Variants in FHIT observed in about 807,000 individuals in gnomAD.
The protein encoded by FHIT is fragile histidine triad diadenosine triphosphatase, also known as bis(5'-adenosyl)-triphosphatase.
In FHIT, 19 loss-of-function variants were observed where a neutral mutation model predicts 17.9. That is an observed-to-expected ratio of 1.06 (90% CI 0.74 to 1.56). The LOEUF (loss-of-function observed/expected upper bound fraction) is 1.56. Ranked by LOEUF, FHIT falls within the 40% of genes most tolerant of loss-of-function variation. The probability of loss-of-function intolerance (pLI) is 0.00; values close to 1 mark genes in which losing one functional copy is unlikely to be tolerated. For missense variants in FHIT, 248 were observed against 189.2 expected, an observed-to-expected ratio of 1.31 and a Z score of -1.82; for synonymous variants, 81 against 69.7, an observed-to-expected ratio of 1.16 and a Z score of -0.81.
chr3:60,470,904 C>G (rs1401814242), intron 5 of FHIT, among the ~76,000 whole-genome samples: 1 of 152,136 alleles, frequency 6.6e-6, no homozygotes, highest in Non-Finnish European at 1.5e-5. Flanking sequence ...TATTCAGGGC[C>G]CAGTGCTCTT....
chr3:60,042,273 A>G (rs1701472633), intron 5 of FHIT, among the ~76,000 whole-genome samples: 1 of 152,230 alleles, frequency 6.6e-6, no homozygotes, highest in African/African-American at 2.4e-5. Flanking sequence ...GGAAAATGTA[A>G]CCTGAAGTAT....
chr3:60,075,733 T>C (rs1702977662), intron 5 of FHIT, among the ~76,000 whole-genome samples: 1 of 152,066 alleles, frequency 6.6e-6, no homozygotes, highest in East Asian at 1.9e-4. Flanking sequence ...TTCTCTATAA[T>C]ACATGGCCAT....
At chr3:60,245,461 T>C (rs551884047) in intron 5 of FHIT, among the ~76,000 whole-genome samples, 2 of 152,012 alleles carry the variant, frequency 1.3e-5, no homozygotes, top group South Asian at 2.1e-4. Flanking sequence ...CCTTCTATCA[T>C]GGAGAAATAC....
chr3:60,584,129 G>T (rs1441630164), intron 4 of FHIT, among the ~76,000 whole-genome samples: 3 of 151,984 alleles, frequency 2.0e-5, no homozygotes, highest in South Asian at 4.1e-4. Flanking sequence ...CTTAGCAGGG[G>T]TGTGCTAGAG....
At chr3:61,221,929 C>T (rs1028732394) in intron 1 of FHIT, among the ~76,000 whole-genome samples, 7 of 152,194 alleles carry the variant, frequency 4.6e-5, no homozygotes, top group Non-Finnish European at 8.8e-5. Context: ...CCTGTGTGCA[C>T]CTGATTTGAA....
chr3:60,659,117 C>T, intron 4 of FHIT, among the ~76,000 whole-genome samples: 1 of 151,992 alleles, frequency 6.6e-6, no homozygotes, highest in East Asian at 1.9e-4. Context: ...TTCTGGACTC[C>T]TACATTTCTG....
chr3:60,643,321 T>C (rs1553685892), intron 4 of FHIT, among the ~76,000 whole-genome samples: 1 of 151,918 alleles, frequency 6.6e-6, no homozygotes, highest in African/African-American at 2.4e-5. Flanking sequence ...AAAATGACCA[T>C]ATTTCCAAGA....
At chr3:60,012,305 G>A (rs912245901) in intron 6 of FHIT, among the ~76,000 whole-genome samples, 3 of 132,732 alleles carry the variant, frequency 2.3e-5, no homozygotes, top group Non-Finnish European at 3.1e-5. Context: ...GTCTTACTCA[G>A]TTGTCCAGGC....
rs1000811530 is a variant in FHIT at position 60,254,887 on chromosome 3, A to G, written c.104-240735T>C. On this transcript the variant is annotated intron_variant, in intron 5 of 9. Coordinates refer to ENST00000492590, the MANE Select transcript of FHIT (RefSeq NM_002012.4). ...TTTGATGTGACTTTTTGTTATTCTT[A>G]TGGTTGTGCTCATAAGCACATCACA... Among the ~76,000 whole-genome samples, 5 of 152,214 alleles carry G rather than the reference A, an allele frequency of 3.3e-5. No individual in the cohort carries two copies. The East Asian group carries it at 5.8e-4, about 18-fold the overall frequency.
intron 3 of FHIT, among the ~76,000 whole-genome samples, chr3:60,870,219 T>C (rs140216027): frequency 1.3e-5 from 2 of 150,114 alleles, no homozygotes; most frequent in East Asian, 4.0e-4. Context: ...ATTGCTCTGT[T>C]ATATGCATAA....
chr3:60,138,947 C>G (rs78749776), intron 5 of FHIT, among the ~76,000 whole-genome samples: 1 of 152,074 alleles, frequency 6.6e-6, no homozygotes, highest in Non-Finnish European at 1.5e-5. Flanking sequence ...ACAAAATAAA[C>G]GCTCTATCCA....
intron 4 of FHIT, among the ~76,000 whole-genome samples, chr3:60,680,135 A>G (rs2040712609): frequency 6.6e-6 from 1 of 152,188 alleles, no homozygotes; most frequent in African/African-American, 2.4e-5. Context: ...GCCACACTAT[A>G]TTCCACAGTG....
At chr3:60,407,549 T>C (rs1310372625) in intron 5 of FHIT, among the ~76,000 whole-genome samples, 1 of 152,172 alleles carries the variant, frequency 6.6e-6, no homozygotes, top group Non-Finnish European at 1.5e-5. Context: ...TTTTTATTTA[T>C]TGTTGCCCAA....
rs888214982 is a variant in FHIT, at chr3:60,982,593, C to G, written c.-111+59454G>C. Among the ~76,000 whole-genome samples, 3 of 152,174 alleles carry G rather than the reference C, an allele frequency of 2.0e-5. No individual in the cohort carries two copies. The South Asian group carries it at 6.2e-4, about 32-fold the overall frequency. On this transcript the variant is annotated intron_variant, in intron 3 of 9. Coordinates refer to ENST00000492590, the MANE Select transcript of FHIT (RefSeq NM_002012.4). ...TGCTCAGAATGCTCTCCCTCCTCCC[C>G]GTTTGTACAGAAAGGCCTTCCCTGA... is the stretch of plus-strand genomic sequence containing the variant.
chr3:60,627,125 G>A (rs1027870090), intron 4 of FHIT, among the ~76,000 whole-genome samples: 2 of 152,062 alleles, frequency 1.3e-5, no homozygotes, highest in African/African-American at 4.8e-5. Context: ...GTATTGATAA[G>A]ATATTGGTCT....
rs186552704 is a variant in FHIT at position 60,859,155 on chromosome 3, C to T, written c.-110-37144G>A. Among the ~76,000 whole-genome samples the T allele has an allele frequency of 2.2e-4, 33 of 152,228 alleles. 1 individual carries two copies. In the East Asian group the frequency reaches 6.4e-3, roughly 29 times the overall value. On this transcript the variant is annotated intron_variant, in intron 3 of 9. Coordinates refer to ENST00000492590, the MANE Select transcript of FHIT (RefSeq NM_002012.4). ...CCCCACTAAGAGCAGTATTCAATTC[C>T]TATCCCAATAGGAGTATCGAATAGT...
intron 4 of FHIT, among the ~76,000 whole-genome samples, chr3:60,543,511 G>T (rs188921742): frequency 5.5e-4 from 84 of 152,206 alleles, no homozygotes; most frequent in African/African-American, 2.0e-3. Context: ...TAAAACTCTT[G>T]TAATAGAGTT....
At chr3:60,798,502 G>A (rs140743821) in intron 4 of FHIT, among the ~76,000 whole-genome samples, 272 of 152,160 alleles carry the variant, frequency 1.8e-3, no homozygotes, top group African/African-American at 5.9e-3. Context: ...CATGGCAGAG[G>A]ATAAAAAACA....
At chr3:60,285,494 G>A (rs758064123) in intron 5 of FHIT, among the ~76,000 whole-genome samples, 4 of 152,118 alleles carry the variant, frequency 2.6e-5, no homozygotes, top group East Asian at 1.9e-4. Context: ...CATAAAGCCT[G>A]TGATGGATTT....
Sources: gnomAD v4.1 joint callset for allele counts (sites outside exome capture counted in the v4.1 genomes callset) on GRCh38, gnomAD v4.1.1 for gene constraint, MANE v1.5 for transcripts, NCBI Gene and HGNC (gene_info 2026-07-23, HGNC 2026-07-21) for gene names.